The following CD8B variants were observed in gnomAD, a reference collection of about 807,000 sequenced individuals.
CD8B encodes T-cell surface glycoprotein CD8 beta chain.
In CD8B, 6 loss-of-function variants were observed where a neutral mutation model predicts 24.2. The ratio of observed to expected loss-of-function variants is 0.25; its 90% CI spans 0.14 to 0.49. CD8B has a LOEUF of 0.49. Among genes scored for constraint, CD8B ranks in the 20% least tolerant of loss-of-function variants. CD8B has a pLI of 0.98. For missense variants in CD8B, 196 were observed against 271.3 expected (o/e 0.72, Z 1.95); for synonymous variants, 84 against 108.3 (o/e 0.78, Z 1.39).
intron 5 of CD8B, among the ~76,000 whole-genome samples, chr2:86,821,312 T>C (rs567751447): frequency 5.6e-4 from 85 of 152,142 alleles, no homozygotes; most frequent in South Asian, 1.0e-3. Context: ...TCAAATGTGG[T>C]GTGATTTCTA....
chr2:86,830,720 G>A (rs891458568), intron 5 of CD8B, among the ~76,000 whole-genome samples: 3 of 152,044 alleles, frequency 2.0e-5, no homozygotes, highest in African/African-American at 7.2e-5. Flanking sequence ...TCAGAATGGT[G>A]GGACCAGCCT....
chr2:86,850,828 C>T (rs1218344703), intron 3 of CD8B, among the ~76,000 whole-genome samples: 3 of 152,238 alleles, frequency 2.0e-5, no homozygotes, highest in Non-Finnish European at 4.4e-5. Flanking sequence ...TAGTGGCTCA[C>T]GCCTGTAATC....
intron 5 of CD8B, among the ~76,000 whole-genome samples, chr2:86,818,513 G>T (rs914338551): frequency 3.9e-5 from 6 of 151,974 alleles, no homozygotes; most frequent in Non-Finnish European, 8.8e-5. Context: ...CATTATTATT[G>T]TGTCTGTTCT....
At chr2:86,820,220 G>A (rs773413220) in intron 5 of CD8B, among the ~76,000 whole-genome samples, 2 of 152,204 alleles carry the variant, frequency 1.3e-5, no homozygotes, top group Non-Finnish European at 2.9e-5. Flanking sequence ...TGAGAAAGAG[G>A]CGTCAGTATT....
At chr2:86,845,229 G>T (rs1289358958) in intron 4 of CD8B, among the ~76,000 whole-genome samples, 2 of 152,206 alleles carry the variant, frequency 1.3e-5, no homozygotes, top group Non-Finnish European at 2.9e-5. Context: ...AAGTCATGCA[G>T]CTAGTAAGTG....
At chr2:86,830,052 T>C (rs1674846881) in intron 5 of CD8B, among the ~76,000 whole-genome samples, 1 of 152,190 alleles carries the variant, frequency 6.6e-6, no homozygotes, top group Non-Finnish European at 1.5e-5. Flanking sequence ...CTGGTAGATA[T>C]GTAGTTTTTA....
At chr2:86,834,795 GCATGATGGCGCGCA>G (rs1006285096), downstream of CD8B, among the ~76,000 whole-genome samples, 38 of 152,002 alleles carry the variant, frequency 2.5e-4, no homozygotes, top group Non-Finnish European at 2.6e-4. Context: ...AATTAGCTGG[GCATGATGGCGCGCA>G]CCTGGAATCC....
At chr2:86,860,467 T>C (rs1178818050) in intron 1 of CD8B, among the ~76,000 whole-genome samples, 1 of 152,128 alleles carries the variant, frequency 6.6e-6, no homozygotes, top group African/African-American at 2.4e-5. Flanking sequence ...GCCAGTTTAT[T>C]GAGCTGTGCC....
intron 3 of CD8B, among the ~76,000 whole-genome samples, chr2:86,852,608 C>T (rs1676030519): frequency 6.6e-6 from 1 of 151,934 alleles, no homozygotes; most frequent in South Asian, 2.1e-4. Context: ...TTGTGACTGG[C>T]TCCTTTCATT....
At chr2:86,834,793 G>A (rs1302603320), downstream of CD8B, among the ~76,000 whole-genome samples, 1 of 151,942 alleles carries the variant, frequency 6.6e-6, no homozygotes, top group African/African-American at 2.4e-5. Flanking sequence ...AAAATTAGCT[G>A]GGCATGATGG....
At chr2:86,821,335 G>C (rs1172374260) in intron 5 of CD8B, among the ~76,000 whole-genome samples, 1 of 152,088 alleles carries the variant, frequency 6.6e-6, no homozygotes, top group Non-Finnish European at 1.5e-5. Flanking sequence ...ACGCCATTGA[G>C]CCCTGCTAAA....
chr2:86,821,905 C>T (rs565669016), intron 5 of CD8B, among the ~76,000 whole-genome samples: 1 of 152,128 alleles, frequency 6.6e-6, no homozygotes, highest in South Asian at 2.1e-4. Context: ...TTTGCCTTTT[C>T]GAGGCCCGCT....
At position 86,841,541 on chromosome 2, in the gene CD8B, T is replaced by C. The variant is rs967755626; in HGVS notation, c.*766A>G. ...CTGTTCCACGGAGCACTGATGTCTT[T>C]GCTGTAGATGGGCTTTCGCACGTTT... On this transcript the variant is annotated 3_prime_UTR_variant, in exon 6 of 6. Coordinates refer to ENST00000390655, the MANE Select transcript of CD8B (RefSeq NM_004931.5). 3.1e-6 allele frequency: 3 copies of C among 978,030 alleles called. No individual in the cohort carries two copies. Among genetic ancestry groups the C allele is most frequent in the Non-Finnish European group, 3.6e-6 (3 of 823,394 alleles). The allele number at this position is 978,030 out of a possible 1,614,324, so 60.6% of individuals were successfully genotyped here. A position where few individuals can be genotyped will look rare whatever the true frequency, so the allele number is the denominator to read the frequency against.
At chr2:86,822,403 G>A (rs748166265) in intron 5 of CD8B, 15 of 1,351,554 alleles carry the variant, frequency 1.1e-5, no homozygotes, top group African/African-American at 4.3e-5. Flanking sequence ...GAACAGAGAT[G>A]TTAAATGTTA....
In CD8B at chr2:86,841,981, T is replaced by C; in HGVS notation, c.*326A>G. ...GCAACCTGCAAAGATGGTGGCTAAA[T>C]GGCCACCACTAAAGGTCCCAGTTCA... On this transcript the variant is annotated 3_prime_UTR_variant, in exon 6 of 6. Transcript: ENST00000390655. 3 of 1,091,054 alleles carry C rather than the reference T, an allele frequency of 2.7e-6. No individual in the cohort carries two copies. The highest frequency in any genetic ancestry group is 3.3e-6 in the Non-Finnish European group (3 of 898,822). The allele number at this position is 1,091,054 out of a possible 1,614,324, so 67.6% of individuals were successfully genotyped here.
At chr2:86,844,334 G>A (rs1312236717) in intron 5 of CD8B, among the ~76,000 whole-genome samples, 1 of 151,384 alleles carries the variant, frequency 6.6e-6, no homozygotes, top group African/African-American at 2.4e-5. Context: ...TCCTAGGGAA[G>A]GAAAGCAATG....
chr2:86,850,289 G>C (rs1229234072), intron 3 of CD8B, among the ~76,000 whole-genome samples: 1 of 152,136 alleles, frequency 6.6e-6, no homozygotes, highest in Non-Finnish European at 1.5e-5. Flanking sequence ...GGTCTCCTGA[G>C]CTCTGGATCT....
intron 5 of CD8B, among the ~76,000 whole-genome samples, chr2:86,821,157 C>A: frequency 7.8e-6 from 1 of 128,690 alleles, no homozygotes. Context: ...TTTTTTTTTT[C>A]AAATAATCCA....
intron 2 of CD8B, among the ~76,000 whole-genome samples, chr2:86,857,100 C>T (rs1352521778): frequency 7.9e-5 from 12 of 151,846 alleles, no homozygotes; most frequent in African/African-American, 2.9e-4. Flanking sequence ...CATCAGCACC[C>T]CCGTGTGACA....
Sources: allele counts gnomAD v4.1 joint callset (sites outside exome capture counted in the v4.1 genomes callset), GRCh38; gene constraint gnomAD v4.1.1; transcripts MANE v1.5; gene names NCBI Gene and HGNC (gene_info 2026-07-23, HGNC 2026-07-21).